The following NOP58 variants were observed in gnomAD, a reference collection of about 807,000 sequenced individuals.
The protein encoded by NOP58 is NOP58 ribonucleoprotein.
In NOP58, 44 loss-of-function variants were observed where a neutral mutation model predicts 71.2. The ratio of observed to expected loss-of-function variants is 0.62; its 90% CI spans 0.49 to 0.79. The LOEUF (loss-of-function observed/expected upper bound fraction) is 0.79. Ranked by LOEUF, NOP58 falls within the 30% of genes least tolerant of loss-of-function variation. The probability of loss-of-function intolerance (pLI) is 0.00; values close to 1 mark genes in which losing one functional copy is unlikely to be tolerated. For missense variants in NOP58, 538 were observed against 620.2 expected, an observed-to-expected ratio of 0.87 and a Z score of 1.41; for synonymous variants, 228 against 200.3, an observed-to-expected ratio of 1.14 and a Z score of -1.17.
Position 202,292,910 on chromosome 2 carries a change from G to T in NOP58, c.907+7G>T. ...CGGCTTATTGCTCATGCAGGTGATGGTTTTAATGTAATTTGTAAATATGAG... is the reference window on the plus strand; with the variant it reads ...CGGCTTATTGCTCATGCAGGTGATGTTTTTAATGTAATTTGTAAATATGAG... On this transcript the variant is annotated splice_region_variant and intron_variant, in intron 9 of 14. Coordinates refer to ENST00000264279, the MANE Select transcript of NOP58 (RefSeq NM_015934.5). 1.2e-6 allele frequency: 2 copies of T among 1,613,882 alleles called. No homozygotes were observed. The highest frequency in any genetic ancestry group is 1.7e-6 in the Non-Finnish European group (2 of 1,179,812).
intron 3 of NOP58, 115 bp from the exon 4 acceptor site, chr2:202,282,236 A>G (rs1485466961): frequency 8.1e-6 from 6 of 744,272 alleles, no homozygotes; most frequent in South Asian, 1.9e-5. Context: ...CAGAAGTAAC[A>G]TTAAATTCAA....
At chr2:202,291,968 CTTTTTTTTTTTTTTTTTTTTTTTTTTT>C (rs869075798) in intron 8 of NOP58, among the ~76,000 whole-genome samples, 1 of 43,960 alleles carries the variant, frequency 2.3e-5, no homozygotes, top group Admixed American at 2.9e-4. Flanking sequence ...TGCTCAGAAT[CTTTTTTTTTTTTTTTTTTTTTTTTTTT>C]TTTTTTTTTG....
At chr2:202,297,298 A>G in intron 10 of NOP58, 81 bp from the exon 11 acceptor site, 1 of 1,297,094 alleles carries the variant, frequency 7.7e-7, no homozygotes, top group Non-Finnish European at 1.1e-6. Flanking sequence ...ATAGTTTTAT[A>G]ACTCCTGATT....
At position 202,303,034 on chromosome 2, in the gene NOP58, C is replaced by T; in HGVS notation, c.1516C>T (p.Pro506Ser). The T allele has an allele frequency of 6.2e-7, 1 of 1,612,236 alleles. No individual in the cohort carries two copies. The highest frequency in any genetic ancestry group is 8.5e-7 in the Non-Finnish European group (1 of 1,179,826). ...IKEEPLSEEE[P>S]CTSTAIASPE... ...GGAAGAACCACTTTCTGAGGAAGAA[C>T]CATGTACCAGCACAGCAATTGCTGT... The change falls in exon 14 of 15, where the codon CCA becomes TCA. Residue 506 changes from proline to serine, a missense_variant. Physicochemically the swap from Pro to Ser is moderately conservative, Grantham distance 74 (BLOSUM62 -1). Transcript: ENST00000264279.
chr2:202,281,594 C>T (rs1688705235), intron 3 of NOP58, among the ~76,000 whole-genome samples: 1 of 152,148 alleles, frequency 6.6e-6, no homozygotes, highest in Non-Finnish European at 1.5e-5. Context: ...CACATGCCAC[C>T]ACACCCAGCT....
At chr2:202,301,499 A>G (rs920583937) in intron 13 of NOP58, among the ~76,000 whole-genome samples, 1 of 152,064 alleles carries the variant, frequency 6.6e-6, no homozygotes, top group Middle Eastern at 3.2e-3. Flanking sequence ...CATTTTCTAT[A>G]TGTGACAATT....
intron 10 of NOP58, 149 bp downstream of exon 10, chr2:202,295,986 T>G: frequency 1.8e-6 from 1 of 562,222 alleles, no homozygotes; most frequent in Non-Finnish European, 2.8e-6. Flanking sequence ...TAAAAAGTGC[T>G]TTGTGTACAC....
chr2:202,296,066 T>C lies in NOP58; in HGVS notation c.1071+229T>C, dbSNP rs184365768. Among the ~76,000 whole-genome samples the C allele has an allele frequency of 3.0e-4, 45 of 152,126 alleles. No homozygotes were observed. The East Asian group carries it at 7.9e-3, about 27-fold the overall frequency. ...CAGTTTCTTCCATTGTGTTAGTATTTTTTTCCCCCCTAGAATCTCCCTGTG... is the reference window on the plus strand; with the variant it reads ...CAGTTTCTTCCATTGTGTTAGTATTCTTTTCCCCCCTAGAATCTCCCTGTG... On this transcript the variant is annotated intron_variant, in intron 10 of 14. Coordinates refer to ENST00000264279, the MANE Select transcript of NOP58 (RefSeq NM_015934.5).
At chr2:202,288,989 G>A (rs907267247) in intron 6 of NOP58, among the ~76,000 whole-genome samples, 14 of 151,792 alleles carry the variant, frequency 9.2e-5, no homozygotes, top group African/African-American at 1.2e-4. Flanking sequence ...TCGAGGTGGC[G>A]TGTGCCTATA....
At chr2:202,285,309 T>G (rs537119798) in intron 5 of NOP58, among the ~76,000 whole-genome samples, 1 of 151,178 alleles carries the variant, frequency 6.6e-6, no homozygotes, top group East Asian at 1.9e-4. Context: ...TCCAAAGTGC[T>G]GGGATTATAG....
At position 202,282,440 on chromosome 2, in the gene NOP58, G is replaced by A. The variant is rs937406947; in HGVS notation, c.265G>A (p.Val89Ile). Reference protein sequence around the residue: ...IVKEAHEPLAVADAKLGGVIK... With the variant: ...IVKEAHEPLAIADAKLGGVIK... Reference sequence around the variant, plus strand: ...AAAAGAAGCCCATGAACCGCTGGCAGTAGCTGATGCTAAACTAGGAGGGGT... The same window carrying A: ...AAAAGAAGCCCATGAACCGCTGGCAATAGCTGATGCTAAACTAGGAGGGGT... The change falls in exon 4 of 15, where the codon GTA becomes ATA. Residue 89 changes from valine to isoleucine, a missense_variant. Val to Ile is a conservative substitution (Grantham distance 29). Transcript: ENST00000264279. The A allele has an allele frequency of 1.2e-6, 2 of 1,612,020 alleles. No homozygotes were observed. Among genetic ancestry groups the A allele is most frequent in the Non-Finnish European group, 1.7e-6 (2 of 1,179,536 alleles).
rs1391182988 is a variant in NOP58, at chr2:202,265,947, G to A, written c.6G>A (p.Leu2=). 1 of 1,614,056 alleles carries A rather than the reference G, an allele frequency of 6.2e-7. No homozygotes were observed. Among genetic ancestry groups the A allele is most frequent in the Non-Finnish European group, 8.5e-7 (1 of 1,180,042 alleles). ...CGCCCTGACCCGGCCTCACCATGTT[G>A]GTGCTGTTTGAAACGTCTGTGGGTT... M[L]VLFETSVGYA... Residue 2 remains leucine, a synonymous_variant, in exon 1 of 15, where the codon TTG becomes TTA. Coordinates refer to ENST00000264279, the MANE Select transcript of NOP58 (RefSeq NM_015934.5).
intron 9 of NOP58, among the ~76,000 whole-genome samples, chr2:202,295,017 T>C (rs1688968529): frequency 6.6e-6 from 1 of 151,498 alleles, no homozygotes; most frequent in African/African-American, 2.4e-5. Flanking sequence ...GTTACTTGAA[T>C]ATAAGCACTG....
At chr2:202,273,362 T>C (rs1688540793) in intron 1 of NOP58, among the ~76,000 whole-genome samples, 1 of 152,218 alleles carries the variant, frequency 6.6e-6, no homozygotes, top group Non-Finnish European at 1.5e-5. Flanking sequence ...GAGATATTGC[T>C]ACATTTTCTG....
At chr2:202,270,442 A>G (rs1688497194) in intron 1 of NOP58, among the ~76,000 whole-genome samples, 1 of 152,242 alleles carries the variant, frequency 6.6e-6, no homozygotes, top group Non-Finnish European at 1.5e-5. Context: ...TAACTTGCTC[A>G]TATTGTCTGT....
At position 202,282,358 on chromosome 2, in the gene NOP58, A is replaced by G; in HGVS notation, c.183A>G (p.Thr61=). ...TTTCTTTTTCTTGAAAAGCATTCAC[A>G]GCTCTGATGGAGGGCAAAATCAATA... ...QDTAEALAAF[T]ALMEGKINKQ... Residue 61 remains threonine, a synonymous_variant, in exon 4 of 15, where the codon ACA becomes ACG. Transcript: ENST00000264279. 1 of 1,605,628 alleles carries G rather than the reference A, an allele frequency of 6.2e-7. No homozygotes were observed. Among genetic ancestry groups the G allele is most frequent in the Non-Finnish European group, 8.5e-7 (1 of 1,178,218 alleles).
intron 6 of NOP58, among the ~76,000 whole-genome samples, chr2:202,288,473 T>G: frequency 7.5e-6 from 1 of 133,458 alleles, no homozygotes; most frequent in Non-Finnish European, 1.6e-5. Flanking sequence ...CAAGAGCAAA[T>G]CTCCATCTCA....
intron 3 of NOP58, among the ~76,000 whole-genome samples, chr2:202,281,518 C>T (rs903431774): frequency 2.6e-5 from 4 of 152,252 alleles, no homozygotes; most frequent in African/African-American, 9.6e-5. Context: ...TGACTCACTG[C>T]AGCCTTGAAC....
In NOP58 at chr2:202,289,848, A is replaced by G. The variant is rs141290641; in HGVS notation, c.500-475A>G. 5.6e-3 allele frequency among the ~76,000 whole-genome samples: 860 copies of G among 152,330 alleles called. 10 individuals carry two copies. The highest frequency in any genetic ancestry group is 0.014 in the Middle Eastern group (4 of 294). ...CAGAATTTTTCAGTTTCTGATGATA[A>G]AATTGCTCTGGCAATAGATCCTGGT... On this transcript the variant is annotated intron_variant, in intron 6 of 14. Transcript: ENST00000264279.
Sources: gnomAD v4.1 joint callset for allele counts (sites outside exome capture counted in the v4.1 genomes callset) on GRCh38, gnomAD v4.1.1 for gene constraint, MANE v1.5 for transcripts, NCBI Gene and HGNC (gene_info 2026-07-23, HGNC 2026-07-21) for gene names.